The following SETD1A variants were observed in gnomAD, a reference collection of about 807,000 sequenced individuals.
SETD1A encodes SET domain containing 1A, histone lysine methyltransferase.
A neutral mutation model predicts 149.9 loss-of-function variants in SETD1A; 29 were observed. The ratio of observed to expected loss-of-function variants is 0.19; its 90% CI spans 0.14 to 0.26. SETD1A has a LOEUF of 0.26. Ranked by LOEUF, SETD1A falls within the 10% of genes least tolerant of loss-of-function variation. SETD1A has a pLI of 1.00. For synonymous variants in SETD1A, 1,141 were observed against 968.5 expected (o/e 1.18, Z -3.31); for missense variants, 2,109 against 2,353.1 (o/e 0.90, Z 2.15).
intron 13 of SETD1A, among the ~76,000 whole-genome samples, chr16:30,972,512 C>T (rs1214664058): frequency 6.6e-6 from 1 of 152,112 alleles, no homozygotes; most frequent in Non-Finnish European, 1.5e-5. Context: ...GTGACAGGCA[C>T]CTGTAGTGCC....
Position 30,965,986 on chromosome 16 carries a change from C to T in SETD1A, c.2105C>T (p.Ala702Val). 1 of 1,581,444 alleles carries T rather than the reference C, an allele frequency of 6.3e-7. No homozygotes were observed. The highest frequency in any genetic ancestry group is 1.2e-5 in the South Asian group (1 of 86,126). ...CGGCAGGGCAAGGGATTGATTGCCG[C>T]CTCAGCTGGCCCCCCCGGTGGGGCC... is the stretch of plus-strand genomic sequence containing the variant. Reference protein sequence around the residue: ...QLRQGKGLIAASAGPPGGAFG... With the variant: ...QLRQGKGLIAVSAGPPGGAFG... Residue 702 changes from alanine (A) to valine (V), a missense_variant, in exon 8 of 19, where the codon GCC becomes GTC. By Grantham distance (64) the Ala-to-Val change is moderately conservative. Around this residue, in one of 8 missense-constraint regions of SETD1A, gnomAD observed 431 missense variants for 388.6 expected, o/e 1.11. Coordinates refer to ENST00000262519, the MANE Select transcript of SETD1A (RefSeq NM_014712.3).
chr16:30,963,033 T>C (rs2056075692), intron 4 of SETD1A, among the ~76,000 whole-genome samples: 3 of 152,218 alleles, frequency 2.0e-5, no homozygotes. Context: ...GTTGCTGTTC[T>C]GCATGCTTTA....
intron 4 of SETD1A, among the ~76,000 whole-genome samples, chr16:30,962,064 A>AT (rs60360905): frequency 8.2e-5 from 9 of 110,330 alleles, no homozygotes; most frequent in Admixed American, 1.9e-4. Context: ...CCTGTTTTTA[A>AT]TTTTTTTTTT....
At position 30,983,713 on chromosome 16, in the gene SETD1A, A is replaced by G. The variant is rs576017598; in HGVS notation, c.4891A>G (p.Thr1631Ala). 2.5e-6 allele frequency: 4 copies of G among 1,614,104 alleles called. No homozygotes were observed. The highest frequency in any genetic ancestry group is 2.7e-5 in the African/African-American group (2 of 75,048). The change falls in exon 18 of 19, where the codon ACC becomes GCC. Residue 1631 changes from threonine (T) to alanine (A), a missense_variant. Thr to Ala is a moderately conservative substitution (Grantham distance 58). Transcript: ENST00000262519. The surrounding 1 kb of genome is among the most constrained non-coding windows in gnomAD (Gnocchi z 6.8). ...SSYLFRVDHD[T>A]IIDATKCGNL... is the part of the protein sequence containing the mutation. Reference sequence around the variant, plus strand: ...CTACCTGTTCCGGGTGGACCACGACACCATCATCGATGCCACCAAGTGTGG... The same window carrying G: ...CTACCTGTTCCGGGTGGACCACGACGCCATCATCGATGCCACCAAGTGTGG...
In SETD1A at chr16:30,965,293, C is replaced by G. The variant is rs1280164100; in HGVS notation, c.1551C>G (p.Ser517Arg). 1 of 1,614,116 alleles carries G rather than the reference C, an allele frequency of 6.2e-7. No homozygotes were observed. Among genetic ancestry groups the G allele is most frequent in the Non-Finnish European group, 8.5e-7 (1 of 1,180,050 alleles). ...ASDTEEEEEN[S>R]SMVLGARDTG... is the part of the protein sequence containing the mutation. ...ACACAGAGGAGGAGGAAGAGAACAG[C>G]AGCATGGTCCTTGGGGCCAGAGATA... Residue 517 changes from serine (S) to arginine (R), a missense_variant, in exon 7 of 19, where the codon AGC becomes AGG. Ser to Arg is a moderately radical substitution (Grantham distance 110). Around this residue, in one of 8 missense-constraint regions of SETD1A, gnomAD observed 431 missense variants for 388.6 expected, o/e 1.11. Coordinates refer to ENST00000262519, the MANE Select transcript of SETD1A (RefSeq NM_014712.3).
chr16:30,959,163 T>C lies in SETD1A; in HGVS notation c.223T>C (p.Ser75Pro), dbSNP rs779501410. 1 of 1,612,386 alleles carries C rather than the reference T, an allele frequency of 6.2e-7. No homozygotes were observed. Among genetic ancestry groups the C allele is most frequent in the Non-Finnish European group, 8.5e-7 (1 of 1,178,418 alleles). The change falls in exon 3 of 19, where the codon TCC (serine) becomes CCC (proline). Residue 75 changes from serine to proline, a missense_variant. Transcript: ENST00000262519. ...TGTCAGGTCCAAAAACAGAGACTTT[T>C]CCCTCCCAGTCCCTAAGTTTAAGGT... is the stretch of plus-strand genomic sequence containing the variant. ...CHVRSKNRDF[S>P]LPVPKFKLDE...
chr16:30,964,495 A>G, intron 6 of SETD1A, 117 bp from the exon 7 acceptor site: 2 of 1,508,426 alleles, frequency 1.3e-6, no homozygotes, highest in Non-Finnish European at 1.8e-6. Context: ...CTAGGAACCC[A>G]ACATATAGCT....
At chr16:30,977,852 A>C (rs1358984306) in intron 13 of SETD1A, among the ~76,000 whole-genome samples, 1 of 152,210 alleles carries the variant, frequency 6.6e-6, no homozygotes, top group African/African-American at 2.4e-5. Flanking sequence ...CGGGGAAGCC[A>C]GTTGTGAAGC....
chr16:30,983,841 C>T lies in SETD1A; in HGVS notation c.4951-9C>T, dbSNP rs374233092. 1.7e-5 allele frequency: 28 copies of T among 1,609,864 alleles called. No homozygotes were observed. The highest frequency in any genetic ancestry group is 4.5e-5 in the East Asian group (2 of 44,782). ...GGTGGCCACGGCTCACACGCCCTTC[C>T]ATCCGCAGCCTAACTGCTACGCCAA... On this transcript the variant is annotated splice_polypyrimidine_tract_variant and intron_variant, in intron 18 of 18. Coordinates refer to ENST00000262519, the MANE Select transcript of SETD1A (RefSeq NM_014712.3). The surrounding 1 kb of genome is among the most constrained non-coding windows in gnomAD (Gnocchi z 6.8).
intron 17 of SETD1A, 70 bp downstream of exon 17, chr16:30,981,250 C>T: frequency 1.3e-6 from 2 of 1,587,058 alleles, no homozygotes; most frequent in Non-Finnish European, 1.7e-6. Flanking sequence ...CACACACATG[C>T]TGTTTGTCCG....
Position 30,965,876 on chromosome 16 carries a change from C to G in SETD1A, c.1995C>G (p.Leu665=), listed in dbSNP as rs765672047. ...ATGACTTTGTGAACTCCTTGGAGCT[C>G]ATGGACCGACTTGGGGCTCAGTGGG... The part of the protein sequence containing the change: ...HIYDFVNSLE[L]MDRLGAQWGG... Residue 665 remains leucine, a synonymous_variant, in exon 8 of 19, where the codon CTC becomes CTG. Transcript: ENST00000262519. 6.2e-7 allele frequency: 1 copy of G among 1,612,616 alleles called. No individual in the cohort carries two copies. The highest frequency in any genetic ancestry group is 8.5e-7 in the Non-Finnish European group (1 of 1,179,504).
At chr16:30,977,373 G>A (rs954280064) in intron 13 of SETD1A, among the ~76,000 whole-genome samples, 3 of 152,204 alleles carry the variant, frequency 2.0e-5, no homozygotes, top group Admixed American at 6.5e-5. Context: ...CTGGGGCCTC[G>A]CCCCATGGAC....
Position 30,961,579 on chromosome 16 carries a change from G to C in SETD1A, c.517+42G>C. ...CTGCCACTCAGGCTTGGCCTCCAGC[G>C]GAGGTTGTACATGCAAATGCCTGTC... is the stretch of plus-strand genomic sequence containing the variant. On this transcript the variant is annotated intron_variant, in intron 4 of 18. Coordinates refer to ENST00000262519, the MANE Select transcript of SETD1A (RefSeq NM_014712.3). This position sits in a 1 kb window ranked among gnomAD's most constrained non-coding sequence, Gnocchi z 4.0. 6.3e-7 allele frequency: 1 copy of C among 1,599,964 alleles called. No homozygotes were observed. The highest frequency in any genetic ancestry group is 8.5e-7 in the Non-Finnish European group (1 of 1,174,260).
intron 10 of SETD1A, 132 bp downstream of exon 10, chr16:30,967,720 G>A (rs2056167613): frequency 8.4e-6 from 6 of 715,742 alleles, no homozygotes; most frequent in South Asian, 3.1e-5. Flanking sequence ...AAATGCAGCA[G>A]TTCTGAGAGG....
rs1199280016 is a variant in SETD1A, at chr16:30,966,973, C to T, written c.2595C>T (p.Asp865=). The part of the protein sequence containing the change: ...LKEPGLLSLV[D]WAKSGGTTGI... ...AGCCTGGCCTGCTGTCCCTCGTGGA[C>T]TGGGCCAAGAGCGGGGGCACTACGG... Residue 865 remains aspartate, a synonymous_variant, in exon 9 of 19, where the codon GAC becomes GAT. Coordinates refer to ENST00000262519, the MANE Select transcript of SETD1A (RefSeq NM_014712.3). The T allele has an allele frequency of 6.3e-7, 1 of 1,592,064 alleles. No homozygotes were observed. Among genetic ancestry groups the T allele is most frequent in the Non-Finnish European group, 8.5e-7 (1 of 1,169,932 alleles).
intron 5 of SETD1A, 40 bp downstream of exon 5, chr16:30,963,594 G>A (rs771088182): frequency 1.6e-5 from 26 of 1,590,652 alleles, no homozygotes; most frequent in Non-Finnish European, 2.1e-5. Context: ...AGCCATGTGG[G>A]CATGGTGTCC....
At position 30,979,546 on chromosome 16, in the gene SETD1A, G is replaced by C. The variant is rs764350013; in HGVS notation, c.3760G>C (p.Ala1254Pro). ...EAEPGTEVDL[A>P]VLADLALTPA... Reference sequence around the variant, plus strand: ...TGAGCCAGGGACAGAGGTGGACCTGGCGGTCCTGGCCGACCTGGCCCTGAC... The same window carrying C: ...TGAGCCAGGGACAGAGGTGGACCTGCCGGTCCTGGCCGACCTGGCCCTGAC... The change falls in exon 14 of 19, where the codon GCG (alanine) becomes CCG (proline). Residue 1254 changes from alanine to proline, a missense_variant. This residue lies in a region of SETD1A where 832 missense variants were observed against 815.6 expected (regional missense o/e 1.02). Coordinates refer to ENST00000262519, the MANE Select transcript of SETD1A (RefSeq NM_014712.3). 1 of 1,608,710 alleles carries C rather than the reference G, an allele frequency of 6.2e-7. No homozygotes were observed. Among genetic ancestry groups the C allele is most frequent in the South Asian group, 1.1e-5 (1 of 90,782 alleles).
chr16:30,969,302 T>C lies in SETD1A; in HGVS notation c.2771-3T>C. 6.2e-7 allele frequency: 1 copy of C among 1,613,426 alleles called. No homozygotes were observed. Reference sequence around the variant, plus strand: ...TTCCCCAACTACCACTCTGCTGGCCTAGACCCTGAACAAGAGAAGGAGGCT... The same window carrying C: ...TTCCCCAACTACCACTCTGCTGGCCCAGACCCTGAACAAGAGAAGGAGGCT... On this transcript the variant is annotated splice_polypyrimidine_tract_variant and splice_region_variant and intron_variant, in intron 10 of 18. Coordinates refer to ENST00000262519, the MANE Select transcript of SETD1A (RefSeq NM_014712.3).
chr16:30,961,214 A>G lies in SETD1A; in HGVS notation c.247-53A>G, dbSNP rs2056047741. On this transcript the variant is annotated intron_variant, in intron 3 of 18. Coordinates refer to ENST00000262519, the MANE Select transcript of SETD1A (RefSeq NM_014712.3). The surrounding 1 kb of genome is among the most constrained non-coding windows in gnomAD (Gnocchi z 4.0). Reference sequence around the variant, plus strand: ...GCTTGCTAAAGTTTCCCGAAGGACAAAGGAACAGTGGTCAGTGTTGAGACC... The same window carrying G: ...GCTTGCTAAAGTTTCCCGAAGGACAGAGGAACAGTGGTCAGTGTTGAGACC... 6.3e-7 allele frequency: 1 copy of G among 1,579,016 alleles called. No homozygotes were observed. Among genetic ancestry groups the G allele is most frequent in the Non-Finnish European group, 8.6e-7 (1 of 1,158,428 alleles).
Sources: allele counts gnomAD v4.1 joint callset (sites outside exome capture counted in the v4.1 genomes callset), GRCh38; gene constraint gnomAD v4.1.1; regional missense constraint gnomAD v4.1.1; non-coding constraint Gnocchi (gnomAD v3.1); transcripts MANE v1.5; gene names NCBI Gene and HGNC (gene_info 2026-07-23, HGNC 2026-07-21).